TEAD1: variants seen among roughly 807,000 people sequenced by gnomAD.
TEAD1 encodes TEA domain transcription factor 1.
TEAD1 carries 9 observed loss-of-function variants against 54.9 expected under a neutral mutation model. The observed-to-expected ratio is 0.16, with a 90% confidence interval of 0.10 to 0.29. TEAD1 has a LOEUF of 0.29. TEAD1 is among the 10% of genes least tolerant of loss of function. TEAD1 has a pLI of 1.00. For synonymous variants in TEAD1, 200 were observed against 187.8 expected, an observed-to-expected ratio of 1.07 and a Z score of -0.53; for missense variants, 387 against 535.9, an observed-to-expected ratio of 0.72 and a Z score of 2.74.
intron 1 of TEAD1, among the ~76,000 whole-genome samples, chr11:12,675,102 G>GGCCGGCCGCGCCGCGCCCCCC (rs2133801693): frequency 6.8e-6 from 1 of 146,778 alleles, no homozygotes; most frequent in Non-Finnish European, 1.5e-5. Context: ...GGCGGCCCCC[G>GGCCGGCCGCGCCGCGCCCCCC]GCCGGCCGCG....
chr11:12,804,062 T>A, intron 3 of TEAD1, among the ~76,000 whole-genome samples: 1 of 152,386 alleles, frequency 6.6e-6, no homozygotes, highest in Admixed American at 6.5e-5. Flanking sequence ...GGTCCAGTGA[T>A]AAAATAGTAG....
chr11:12,741,180 T>C (rs1944643220), intron 2 of TEAD1, among the ~76,000 whole-genome samples: 3 of 152,194 alleles, frequency 2.0e-5, no homozygotes, highest in South Asian at 4.1e-4. Flanking sequence ...TTTTCCCTTA[T>C]GTTTTAGTTC....
chr11:12,771,644 A>G (rs536984499), intron 3 of TEAD1, among the ~76,000 whole-genome samples: 1 of 152,206 alleles, frequency 6.6e-6, no homozygotes, highest in Admixed American at 6.5e-5. Context: ...GTACTGGATG[A>G]CCATCCAGAT....
intron 3 of TEAD1, among the ~76,000 whole-genome samples, chr11:12,777,435 G>A (rs912381009): frequency 1.3e-5 from 2 of 152,152 alleles, no homozygotes; most frequent in Non-Finnish European, 2.9e-5. Context: ...ACGGGCTTTG[G>A]CAACTGTCTC....
At chr11:12,915,472 A>AAATGGG (rs1467100748) in intron 10 of TEAD1, among the ~76,000 whole-genome samples, 7 of 152,202 alleles carry the variant, frequency 4.6e-5, no homozygotes, top group African/African-American at 1.4e-4. Context: ...CTTACCCTTG[A>AAATGGG]AATGGGAAGG....
chr11:12,778,847 G>A (rs1015171224), intron 3 of TEAD1, among the ~76,000 whole-genome samples: 1 of 152,092 alleles, frequency 6.6e-6, no homozygotes, highest in Non-Finnish European at 1.5e-5. Flanking sequence ...GATGTTTTCT[G>A]TTAGATTGTT....
intron 2 of TEAD1, among the ~76,000 whole-genome samples, chr11:12,700,506 A>C (rs1328589957): frequency 1.3e-5 from 2 of 152,226 alleles, no homozygotes; most frequent in Admixed American, 1.3e-4. Context: ...ATAAATTAAA[A>C]AATGATGTTA....
At chr11:12,831,147 C>T (rs1000433835) in intron 3 of TEAD1, among the ~76,000 whole-genome samples, 2 of 152,222 alleles carry the variant, frequency 1.3e-5, no homozygotes, top group African/African-American at 4.8e-5. Flanking sequence ...TCCCATTTCA[C>T]CACTCCATGG....
At chr11:12,698,821 A>T (rs1457382127) in intron 2 of TEAD1, among the ~76,000 whole-genome samples, 1 of 152,216 alleles carries the variant, frequency 6.6e-6, no homozygotes, top group Non-Finnish European at 1.5e-5. Context: ...AAGCATTGCT[A>T]TAAGATGCTT....
intron 3 of TEAD1, among the ~76,000 whole-genome samples, chr11:12,810,595 A>G (rs1946279957): frequency 6.6e-6 from 1 of 152,078 alleles, no homozygotes; most frequent in Non-Finnish European, 1.5e-5. Flanking sequence ...CGAGATTGCT[A>G]GTGACTTGAA....
intron 5 of TEAD1, among the ~76,000 whole-genome samples, chr11:12,868,144 T>G (rs1386157118): frequency 4.6e-5 from 7 of 152,224 alleles, no homozygotes; most frequent in Non-Finnish European, 1.0e-4. Flanking sequence ...CTGGTGAGTC[T>G]TCTTGCTTAT....
chr11:12,713,946 T>C (rs1364626254), intron 2 of TEAD1, among the ~76,000 whole-genome samples: 1 of 152,212 alleles, frequency 6.6e-6, no homozygotes, highest in African/African-American at 2.4e-5. Context: ...TTCAGACTTT[T>C]CCCTCATGCC....
intron 3 of TEAD1, among the ~76,000 whole-genome samples, chr11:12,785,134 G>A (rs1038448923): frequency 1.1e-4 from 17 of 152,200 alleles, no homozygotes; most frequent in Non-Finnish European, 2.2e-4. Flanking sequence ...CGGGCTCCTG[G>A]TGGCCTGTGC....
intron 3 of TEAD1, among the ~76,000 whole-genome samples, chr11:12,843,255 A>G (rs141081774): frequency 6.6e-6 from 1 of 152,276 alleles, no homozygotes; most frequent in East Asian, 1.9e-4. Flanking sequence ...AGGGTAGGTA[A>G]TGTTGTCAGA....
At chr11:12,716,843 G>A (rs1278992042) in intron 2 of TEAD1, among the ~76,000 whole-genome samples, 1 of 152,240 alleles carries the variant, frequency 6.6e-6, no homozygotes, top group East Asian at 1.9e-4. Flanking sequence ...TGGTTTGCCA[G>A]CCCTCTTCTA....
rs554786497 is a variant in TEAD1 at position 12,682,518 on chromosome 11, G to A, written c.-55+6957G>A. Among the ~76,000 whole-genome samples the A allele has an allele frequency of 8.5e-5, 13 of 152,302 alleles. 1 individual carries two copies. The East Asian group carries it at 1.3e-3, about 16-fold the overall frequency. On this transcript the variant is annotated intron_variant, in intron 2 of 12. Coordinates refer to ENST00000527636, the MANE Select transcript of TEAD1 (RefSeq NM_021961.6). ...GAGGTCGTTGGGTGGTATGCCTGGT[G>A]TTGGGAAATGAGGGGTAGGAAGGGT... is the stretch of plus-strand genomic sequence containing the variant.
At chr11:12,929,505 C>T (rs1402602469) in intron 11 of TEAD1, among the ~76,000 whole-genome samples, 1 of 151,472 alleles carries the variant, frequency 6.6e-6, no homozygotes, top group Non-Finnish European at 1.5e-5. Flanking sequence ...TATGAGGCTA[C>T]TTCATTAAGT....
chr11:12,744,770 C>T lies in TEAD1; in HGVS notation c.-54-19409C>T, dbSNP rs1944713360. Among the ~76,000 whole-genome samples the T allele has an allele frequency of 2.0e-5, 3 of 151,996 alleles. No individual in the cohort carries two copies. The South Asian group carries it at 6.3e-4, about 32-fold the overall frequency. On this transcript the variant is annotated intron_variant, in intron 2 of 12. Transcript: ENST00000527636. ...TGTTGGATTTAAACTTGGAGAAGCA[C>T]ATTTGGAGGTTGTATTTATCTCTTG...
intron 3 of TEAD1, among the ~76,000 whole-genome samples, chr11:12,769,779 T>G (rs527624716): frequency 1.3e-5 from 2 of 152,286 alleles, no homozygotes; most frequent in South Asian, 4.2e-4. Context: ...CAAACAGCTA[T>G]GTGGTAGAAC....
Sources: gnomAD v4.1 joint callset for allele counts (sites outside exome capture counted in the v4.1 genomes callset) on GRCh38, gnomAD v4.1.1 for gene constraint, MANE v1.5 for transcripts, NCBI Gene and HGNC (gene_info 2026-07-23, HGNC 2026-07-21) for gene names.